MACROD2: variants seen among roughly 807,000 people sequenced by gnomAD.
MACROD2 encodes mono-ADP ribosylhydrolase 2, also known as ADP-ribose glycohydrolase MACROD2.
A neutral mutation model predicts 70.4 loss-of-function variants in MACROD2; 36 were observed. That is an observed-to-expected ratio of 0.51 (90% CI 0.39 to 0.68). The LOEUF is 0.68. Ranked by LOEUF, MACROD2 falls within the 30% of genes least tolerant of loss-of-function variation. The probability of loss-of-function intolerance (pLI) is 0.00; values close to 1 mark genes in which losing one functional copy is unlikely to be tolerated. For missense variants in MACROD2, 496 were observed against 538.4 expected (o/e 0.92, Z 0.78); for synonymous variants, 172 against 178.8 (o/e 0.96, Z 0.30).
chr20:14,026,590 C>T (rs2053170018), intron 2 of MACROD2, among the ~76,000 whole-genome samples: 1 of 152,126 alleles, frequency 6.6e-6, no homozygotes, highest in Non-Finnish European at 1.5e-5. Flanking sequence ...TTTTATTTCT[C>T]CTTCACTTAT....
At chr20:14,133,968 A>T (rs2054755468) in intron 3 of MACROD2, among the ~76,000 whole-genome samples, 1 of 152,218 alleles carries the variant, frequency 6.6e-6, no homozygotes, top group Non-Finnish European at 1.5e-5. Flanking sequence ...CCAGCTAGAG[A>T]TAACTCTGAA....
At chr20:14,500,297 C>T (rs1290338832) in intron 4 of MACROD2, among the ~76,000 whole-genome samples, 1 of 152,190 alleles carries the variant, frequency 6.6e-6, no homozygotes, top group African/African-American at 2.4e-5. Context: ...GGGTAGCAAA[C>T]CTCCATCAGA....
rs1192465864 is a variant in MACROD2, at chr20:14,326,545, T to A, written c.272-166934T>A. The A allele has an allele frequency of 6.2e-7, 1 of 1,613,912 alleles. No homozygotes were observed. Among genetic ancestry groups the A allele is most frequent in the East Asian group, 2.2e-5 (1 of 44,868 alleles). Reference sequence around the variant, plus strand: ...CACGTTGACCTTCACAGGTAGTGATTGTAACCAGTCACGTACCCATTTCAT... The same window carrying A: ...CACGTTGACCTTCACAGGTAGTGATAGTAACCAGTCACGTACCCATTTCAT... On this transcript the variant is annotated intron_variant, in intron 3 of 17. Coordinates refer to ENST00000684519, the MANE Select transcript of MACROD2 (RefSeq NM_001351661.2). This position sits in a 1 kb window ranked among gnomAD's most constrained non-coding sequence, Gnocchi z 5.5.
At chr20:15,982,679 G>A (rs2066418466) in intron 13 of MACROD2, among the ~76,000 whole-genome samples, 1 of 152,182 alleles carries the variant, frequency 6.6e-6, no homozygotes, top group Admixed American at 6.5e-5. Flanking sequence ...CAGGAGTAAG[G>A]TGGCGGGGTT....
intron 4 of MACROD2, among the ~76,000 whole-genome samples, chr20:14,572,710 GGA>G (rs1980278075): frequency 6.6e-6 from 1 of 151,966 alleles, no homozygotes; most frequent in Admixed American, 6.6e-5. Flanking sequence ...TATTGTGACT[GGA>G]AGTTGGCATG....
chr20:14,145,969 G>A (rs1253976626), intron 3 of MACROD2, among the ~76,000 whole-genome samples: 4 of 152,186 alleles, frequency 2.6e-5, no homozygotes, highest in African/African-American at 9.6e-5. Flanking sequence ...ATGTAAACCA[G>A]TATTCTATTG....
At chr20:15,588,498 T>A (rs1013857882) in intron 8 of MACROD2, among the ~76,000 whole-genome samples, 1 of 152,240 alleles carries the variant, frequency 6.6e-6, no homozygotes, top group Admixed American at 6.5e-5. Flanking sequence ...TTTTCTTTTC[T>A]ACCATATCAT....
At chr20:15,091,801 G>A (rs553751678) in intron 5 of MACROD2, among the ~76,000 whole-genome samples, 17 of 152,164 alleles carry the variant, frequency 1.1e-4, no homozygotes, top group Non-Finnish European at 2.4e-4. Context: ...GGCTAGATTA[G>A]TTTTGACACT....
At chr20:14,875,158 G>C (rs367798757) in intron 5 of MACROD2, among the ~76,000 whole-genome samples, 1 of 151,878 alleles carries the variant, frequency 6.6e-6, no homozygotes. Flanking sequence ...TGAGGTGGGC[G>C]GATCACGAGG....
intron 5 of MACROD2, among the ~76,000 whole-genome samples, chr20:14,738,218 A>T (rs1181740228): frequency 6.6e-6 from 1 of 152,114 alleles, no homozygotes; most frequent in Non-Finnish European, 1.5e-5. Flanking sequence ...TAAAAGGCAA[A>T]ATATAATTAA....
intron 4 of MACROD2, among the ~76,000 whole-genome samples, chr20:14,590,726 T>C (rs1241259829): frequency 6.6e-6 from 1 of 152,204 alleles, no homozygotes; most frequent in Non-Finnish European, 1.5e-5. Context: ...AAATATTTCA[T>C]TTTATTTGTA....
intron 8 of MACROD2, among the ~76,000 whole-genome samples, chr20:15,561,608 T>C (rs1394074413): frequency 2.7e-5 from 4 of 150,482 alleles, no homozygotes; most frequent in Non-Finnish European, 5.9e-5. Context: ...TGAAAATCAA[T>C]TTTTTTTTAA....
intron 3 of MACROD2, among the ~76,000 whole-genome samples, chr20:14,207,936 A>T (rs1181834353): frequency 6.6e-6 from 1 of 152,242 alleles, no homozygotes; most frequent in African/African-American, 2.4e-5. Context: ...GTAGAAATAC[A>T]GCCTTATTTT....
At chr20:14,468,646 A>G (rs1179358568) in intron 3 of MACROD2, among the ~76,000 whole-genome samples, 1 of 151,744 alleles carries the variant, frequency 6.6e-6, no homozygotes, top group African/African-American at 2.4e-5. Flanking sequence ...TGAGTAGCTG[A>G]GATTACAGGC....
At chr20:14,540,663 T>A (rs2085421028) in intron 4 of MACROD2, among the ~76,000 whole-genome samples, 1 of 152,186 alleles carries the variant, frequency 6.6e-6, no homozygotes, top group African/African-American at 2.4e-5. Context: ...AAGACAGGGA[T>A]GTTGCTGGGT....
At chr20:14,363,510 C>T (rs2083242697) in intron 3 of MACROD2, among the ~76,000 whole-genome samples, 1 of 152,110 alleles carries the variant, frequency 6.6e-6, no homozygotes, top group Admixed American at 6.5e-5. Flanking sequence ...TTCTCTTTTC[C>T]TTCTTCCTAT....
At chr20:15,993,310 A>G (rs924609973) in intron 15 of MACROD2, among the ~76,000 whole-genome samples, 2 of 151,616 alleles carry the variant, frequency 1.3e-5, no homozygotes, top group African/African-American at 2.4e-5. Context: ...ATTTTAGTCA[A>G]CAACAGATCG....
chr20:15,076,981 G>GT (rs2075663383), intron 5 of MACROD2, among the ~76,000 whole-genome samples: 1 of 152,130 alleles, frequency 6.6e-6, no homozygotes, highest in African/African-American at 2.4e-5. Flanking sequence ...TGCTTTATAG[G>GT]TTTTGGCATT....
chr20:15,687,286 GTA>G (rs111727452), intron 8 of MACROD2, among the ~76,000 whole-genome samples: 45,780 of 149,126 alleles, frequency 0.31, 8,846 homozygotes, highest in African/African-American at 0.56. Flanking sequence ...ACATGAAATT[GTA>G]TATATATATA....
Sources: gnomAD v4.1 joint callset for allele counts (sites outside exome capture counted in the v4.1 genomes callset) on GRCh38, gnomAD v4.1.1 for gene constraint, Gnocchi (gnomAD v3.1) non-coding constraint, MANE v1.5 for transcripts, NCBI Gene and HGNC (gene_info 2026-07-23, HGNC 2026-07-21) for gene names.